Variants in STK32B observed in about 807,000 individuals in gnomAD.
STK32B encodes the protein serine/threonine-protein kinase 32B.
Under a neutral mutation model 52.6 loss-of-function variants are expected in STK32B, and 43 were observed. The observed-to-expected ratio is 0.82, with a 90% CI of 0.64 to 1.05. The LOEUF (loss-of-function observed/expected upper bound fraction) is 1.05, where lower values mean the gene tolerates loss of function less well. STK32B is among the 50% of genes least tolerant of loss of function. The probability of loss-of-function intolerance (pLI) is 0.00; values close to 1 mark genes in which losing one functional copy is unlikely to be tolerated. For missense variants in STK32B, 621 were observed against 534.6 expected (o/e 1.16, Z -1.59); for synonymous variants, 238 against 204.3 (o/e 1.17, Z -1.41).
chr4:5,085,528 A>G (rs955737623), intron 1 of STK32B, among the ~76,000 whole-genome samples: 2 of 152,208 alleles, frequency 1.3e-5, no homozygotes, highest in Non-Finnish European at 2.9e-5. Context: ...ATGGCTCCGG[A>G]TAGTTCTAAG....
chr4:5,337,426 A>T (rs1488802904), intron 4 of STK32B, among the ~76,000 whole-genome samples: 1 of 152,186 alleles, frequency 6.6e-6, no homozygotes, highest in East Asian at 1.9e-4. Context: ...GGAAAATGAG[A>T]TGGACTCCAA....
intron 3 of STK32B, among the ~76,000 whole-genome samples, chr4:5,170,207 G>A (rs1476290261): frequency 3.9e-5 from 6 of 152,150 alleles, no homozygotes; most frequent in African/African-American, 1.4e-4. Context: ...TCCTTAAGGT[G>A]GACTAAGAAG....
Position 5,380,365 on chromosome 4 carries a change from G to C in STK32B, c.435-17842G>C, listed in dbSNP as rs537993589. ...TACCCAAGAGAATGCAAAAGGCCAGGCTTCTGCATTTAAAATTATACTATG... is the reference window on the plus strand; with the variant it reads ...TACCCAAGAGAATGCAAAAGGCCAGCCTTCTGCATTTAAAATTATACTATG... On this transcript the variant is annotated intron_variant, in intron 4 of 11. Coordinates refer to ENST00000282908, the MANE Select transcript of STK32B (RefSeq NM_018401.3). This position sits in a 1 kb window ranked among gnomAD's most constrained non-coding sequence, Gnocchi z 4.3. Among the ~76,000 whole-genome samples the C allele has an allele frequency of 6.6e-6, 1 of 152,198 alleles. No homozygotes were observed. The highest frequency in any genetic ancestry group is 2.1e-4 in the South Asian group (1 of 4,816).
intron 4 of STK32B, among the ~76,000 whole-genome samples, chr4:5,333,698 T>C (rs1732429274): frequency 6.6e-6 from 1 of 152,232 alleles, no homozygotes; most frequent in Admixed American, 6.5e-5. Context: ...TCCATATGGC[T>C]AGCCAGTTTT....
At chr4:5,252,204 C>A (rs1232124671) in intron 3 of STK32B, among the ~76,000 whole-genome samples, 1 of 152,116 alleles carries the variant, frequency 6.6e-6, no homozygotes, top group Non-Finnish European at 1.5e-5. Flanking sequence ...TATCCCCTTC[C>A]CCACATATAA....
chr4:5,230,178 C>CTTTTTTTTTTTTTTTTTTTTTTTT (rs752036100), intron 3 of STK32B, among the ~76,000 whole-genome samples: 8 of 71,122 alleles, frequency 1.1e-4, no homozygotes, highest in African/African-American at 3.1e-4. Flanking sequence ...CATGCATTCC[C>CTTTTTTTTTTTTTTTTTTTTTTTT]TTTTTTTTTT....
chr4:5,247,909 C>T (rs1313508045), intron 3 of STK32B, among the ~76,000 whole-genome samples: 7 of 152,112 alleles, frequency 4.6e-5, no homozygotes, highest in Non-Finnish European at 8.8e-5. Context: ...CTTGCATAGA[C>T]CCAGGGCCTT....
At chr4:5,063,690 G>A (rs1217905813) in intron 1 of STK32B, among the ~76,000 whole-genome samples, 1 of 152,130 alleles carries the variant, frequency 6.6e-6, no homozygotes, top group Non-Finnish European at 1.5e-5. Context: ...TATTCACACT[G>A]TGTCTTTGAA....
chr4:5,215,952 T>G (rs1347265252), intron 3 of STK32B, among the ~76,000 whole-genome samples: 2 of 152,206 alleles, frequency 1.3e-5, no homozygotes, highest in African/African-American at 2.4e-5. Flanking sequence ...CTTTTTTAAT[T>G]GTGAGAAAAT....
intron 1 of STK32B, among the ~76,000 whole-genome samples, chr4:5,118,768 TC>T (rs2108808762): frequency 1.3e-5 from 2 of 152,260 alleles, no homozygotes; most frequent in South Asian, 4.2e-4. Context: ...CACTGCTCTT[TC>T]CCCAGCACCG....
At chr4:5,370,984 A>ATATGTGTGTGTG (rs1553879907) in intron 4 of STK32B, among the ~76,000 whole-genome samples, 7 of 145,314 alleles carry the variant, frequency 4.8e-5, no homozygotes, top group African/African-American at 1.3e-4. Context: ...ATATATATAT[A>ATATGTGTGTGTG]TGTGTGTGTG....
intron 3 of STK32B, among the ~76,000 whole-genome samples, chr4:5,191,721 C>A (rs989427001): frequency 3.9e-5 from 6 of 152,114 alleles, no homozygotes; most frequent in African/African-American, 1.4e-4. Flanking sequence ...GAATTGGGCC[C>A]AAGCACAGCC....
At chr4:5,148,152 AT>A (rs1717061778) in intron 2 of STK32B, among the ~76,000 whole-genome samples, 1 of 151,714 alleles carries the variant, frequency 6.6e-6, no homozygotes, top group Non-Finnish European at 1.5e-5. Context: ...AAATTAATCA[AT>A]TTTCTCTATG....
intron 1 of STK32B, among the ~76,000 whole-genome samples, chr4:5,100,412 C>A (rs1257885853): frequency 1.5e-5 from 2 of 137,222 alleles, no homozygotes; most frequent in Non-Finnish European, 3.0e-5. Context: ...CTTCCTCCCT[C>A]CCTCCTTGCC....
At chr4:5,288,338 T>G (rs1728678650) in intron 3 of STK32B, among the ~76,000 whole-genome samples, 1 of 152,316 alleles carries the variant, frequency 6.6e-6, no homozygotes, top group Admixed American at 6.5e-5. Context: ...TTTACAGTGG[T>G]TAAACCATTT....
At chr4:5,282,393 C>A (rs1728259537) in intron 3 of STK32B, among the ~76,000 whole-genome samples, 1 of 152,136 alleles carries the variant, frequency 6.6e-6, no homozygotes, top group Non-Finnish European at 1.5e-5. Context: ...AGAGGGCCTA[C>A]TGTATATACC....
rs150736469 is a variant in STK32B, at chr4:5,063,044, C to T, written c.52+11129C>T. Among the ~76,000 whole-genome samples the T allele has an allele frequency of 4.0e-3, 611 of 152,186 alleles. 3 individuals carry two copies. Among genetic ancestry groups the T allele is most frequent in the African/African-American group, 0.014 (574 of 41,524 alleles). On this transcript the variant is annotated intron_variant, in intron 1 of 11. Coordinates refer to ENST00000282908, the MANE Select transcript of STK32B (RefSeq NM_018401.3). ...TAGTTTTTTACTATTGTGAACCATA[C>T]GGCTGTGAACAATTTTGTGTATGTC...
In STK32B at chr4:5,380,559, A is replaced by G. The variant is rs1458803675; in HGVS notation, c.435-17648A>G. ...GCCCCTGATGGTGTGCAAAGCAGGA[A>G]GTGCAAGTCCCACCCCATAGGAGCA... On this transcript the variant is annotated intron_variant, in intron 4 of 11. Coordinates refer to ENST00000282908, the MANE Select transcript of STK32B (RefSeq NM_018401.3). This position sits in a 1 kb window ranked among gnomAD's most constrained non-coding sequence, Gnocchi z 4.3. 6.6e-6 allele frequency among the ~76,000 whole-genome samples: 1 copy of G among 152,214 alleles called. No individual in the cohort carries two copies. Among genetic ancestry groups the G allele is most frequent in the Non-Finnish European group, 1.5e-5 (1 of 68,030 alleles).
At chr4:5,171,605 A>C (rs1719378571) in intron 3 of STK32B, among the ~76,000 whole-genome samples, 1 of 151,528 alleles carries the variant, frequency 6.6e-6, no homozygotes, top group Non-Finnish European at 1.5e-5. Context: ...TTTGTCAGAG[A>C]TCAGATAGTT....
Sources: allele counts gnomAD v4.1 joint callset (sites outside exome capture counted in the v4.1 genomes callset), GRCh38; gene constraint gnomAD v4.1.1; non-coding constraint Gnocchi (gnomAD v3.1); transcripts MANE v1.5; gene names NCBI Gene and HGNC (gene_info 2026-07-23, HGNC 2026-07-21).